Variants in CDH11 observed in about 807,000 individuals in gnomAD.
CDH11 encodes the protein cadherin-11.
CDH11 carries 11 observed loss-of-function variants against 67.8 expected under a neutral mutation model. That is an observed-to-expected ratio of 0.16 (90% CI 0.10 to 0.27). CDH11 has a LOEUF of 0.27. CDH11 is among the 10% of genes least tolerant of loss of function. The pLI, the probability that CDH11 is intolerant of heterozygous loss-of-function variation, is 1.00. For synonymous variants in CDH11, 419 were observed against 400.0 expected, an observed-to-expected ratio of 1.05 and a Z score of -0.57; for missense variants, 847 against 1,031.2, an observed-to-expected ratio of 0.82 and a Z score of 2.45.
chr16:65,002,431 T>G (rs976117092), intron 3 of CDH11, among the ~76,000 whole-genome samples: 3 of 152,180 alleles, frequency 2.0e-5, no homozygotes, highest in African/African-American at 4.8e-5. Flanking sequence ...AAGCTCCACA[T>G]CCCTTGTCAT....
intron 1 of CDH11, among the ~76,000 whole-genome samples, chr16:65,091,815 A>G (rs1302759066): frequency 6.6e-6 from 1 of 152,132 alleles, no homozygotes; most frequent in African/African-American, 2.4e-5. Context: ...GGCCTTTCTT[A>G]AGAAAGATTT....
chr16:64,965,567 AC>A (rs2071797820), intron 11 of CDH11, among the ~76,000 whole-genome samples: 1 of 151,896 alleles, frequency 6.6e-6, no homozygotes, highest in African/African-American at 2.4e-5. Context: ...CTTCTGGAAT[AC>A]CTCCCAAAGG....
At chr16:65,086,287 C>T (rs1023476542) in intron 1 of CDH11, among the ~76,000 whole-genome samples, 3 of 152,290 alleles carry the variant, frequency 2.0e-5, no homozygotes, top group African/African-American at 4.8e-5. Context: ...ACTAGGTATA[C>T]CAATGGTTCT....
chr16:65,080,812 C>A (rs562901216), intron 1 of CDH11, among the ~76,000 whole-genome samples: 3 of 152,250 alleles, frequency 2.0e-5, no homozygotes, highest in South Asian at 2.1e-4. Context: ...TTTGTCCATT[C>A]TTTTCCCTGC....
chr16:64,979,988 T>C (rs1226790619), intron 8 of CDH11, among the ~76,000 whole-genome samples: 3 of 152,204 alleles, frequency 2.0e-5, no homozygotes, highest in Non-Finnish European at 2.9e-5. Context: ...GTTGTATTAT[T>C]CCATTTATAT....
intron 11 of CDH11, among the ~76,000 whole-genome samples, chr16:64,958,933 T>C (rs2071597098): frequency 3.9e-5 from 6 of 152,078 alleles, no homozygotes; most frequent in Admixed American, 2.6e-4. Flanking sequence ...CACGCAAACA[T>C]ACACCCTTCA....
intron 7 of CDH11, chr16:64,986,777 A>G (rs2072497733): frequency 6.6e-6 from 1 of 151,584 alleles, no homozygotes; most frequent in Non-Finnish European, 1.5e-5. Context: ...CATATCCTTC[A>G]TTTTCTTTCT....
intron 3 of CDH11, among the ~76,000 whole-genome samples, chr16:65,000,426 G>GA (rs2072890368): frequency 6.6e-6 from 1 of 152,126 alleles, no homozygotes; most frequent in Admixed American, 6.6e-5. Flanking sequence ...GTCAAGTAGA[G>GA]AAAAAGACCT....
intron 1 of CDH11, among the ~76,000 whole-genome samples, chr16:65,056,518 G>A (rs2074146409): frequency 6.6e-6 from 1 of 152,182 alleles, no homozygotes; most frequent in Non-Finnish European, 1.5e-5. Context: ...CTCAGCAATA[G>A]ATAACTGGAA....
At chr16:65,078,470 A>G (rs2074554625) in intron 1 of CDH11, among the ~76,000 whole-genome samples, 1 of 152,144 alleles carries the variant, frequency 6.6e-6, no homozygotes, top group Non-Finnish European at 1.5e-5. Context: ...CATTCCCCCA[A>G]TAGCAGTATA....
intron 1 of CDH11, among the ~76,000 whole-genome samples, chr16:65,108,419 C>T (rs924705342): frequency 3.9e-5 from 6 of 152,192 alleles, no homozygotes; most frequent in African/African-American, 1.4e-4. Flanking sequence ...GATAATAATA[C>T]TGATAGTGAC....
intron 1 of CDH11, among the ~76,000 whole-genome samples, chr16:65,067,797 A>G (rs2074340805): frequency 7.3e-6 from 1 of 137,622 alleles, no homozygotes; most frequent in Non-Finnish European, 1.6e-5. Flanking sequence ...GAGAGAGAGG[A>G]AGGAAAGAAG....
intron 3 of CDH11, among the ~76,000 whole-genome samples, chr16:65,000,951 G>C (rs754665154): frequency 6.6e-6 from 1 of 150,904 alleles, no homozygotes; most frequent in South Asian, 2.1e-4. Flanking sequence ...TTATTATTTT[G>C]ATTTAAATTA....
chr16:64,947,330 T>G lies in CDH11; in HGVS notation c.*273A>C. 1 of 1,228,336 alleles carries G rather than the reference T, an allele frequency of 8.1e-7. No individual in the cohort carries two copies. The highest frequency in any genetic ancestry group is 1.0e-6 in the Non-Finnish European group (1 of 980,108). The allele number at this position is 1,228,336 out of a possible 1,614,324, so 76.1% of individuals were successfully genotyped here. On this transcript the variant is annotated 3_prime_UTR_variant, in exon 13 of 13. Transcript: ENST00000268603. ...CTTCATTGTCAGTTCAGCGTTAGAC[T>G]TCTCCTTCACTTAAATATTTTGTAT...
chr16:65,122,151 G>GGGGTTGT, upstream of CDH11: 1 of 476,946 alleles, frequency 2.1e-6, no homozygotes. Context: ...GGGGCGGGAG[G>GGGGTTGT]AGGGAGGCTG....
intron 2 of CDH11, among the ~76,000 whole-genome samples, chr16:65,049,438 G>A (rs1224349689): frequency 1.3e-5 from 2 of 151,988 alleles, no homozygotes; most frequent in Non-Finnish European, 2.9e-5. Context: ...CTAAACCTCA[G>A]TATCCTCATC....
At position 64,971,976 on chromosome 16, in the gene CDH11, T is replaced by C; in HGVS notation, c.1479A>G (p.Glu493=). 1 of 1,613,980 alleles carries C rather than the reference T, an allele frequency of 6.2e-7. No individual in the cohort carries two copies. Among genetic ancestry groups the C allele is most frequent in the African/African-American group, 1.3e-5 (1 of 75,028 alleles). Residue 493 remains glutamate, a synonymous_variant, in exon 10 of 13, where the codon GAA becomes GAG. Transcript: ENST00000268603. ...TCTGATCACTCTCACAGATGAAACCTTCATAAGGGGCAGCAAACTTGGGAG... is the reference window on the plus strand; with the variant it reads ...TCTGATCACTCTCACAGATGAAACCCTCATAAGGGGCAGCAAACTTGGGAG... ...DNAPKFAAPY[E]GFICESDQTK... is the part of the protein sequence containing the mutation.
intron 1 of CDH11, among the ~76,000 whole-genome samples, chr16:65,095,698 T>C (rs1430507110): frequency 6.6e-6 from 1 of 152,208 alleles, no homozygotes; most frequent in Non-Finnish European, 1.5e-5. Flanking sequence ...CTGAGATGTC[T>C]AGTCTGCCCT....
intron 1 of CDH11, among the ~76,000 whole-genome samples, chr16:65,104,959 G>A (rs1346824228): frequency 2.0e-5 from 3 of 152,092 alleles, no homozygotes; most frequent in South Asian, 2.1e-4. Context: ...GTTAATTTAC[G>A]AAATATAAAG....
Sources: gnomAD v4.1 joint callset for allele counts (sites outside exome capture counted in the v4.1 genomes callset) on GRCh38, gnomAD v4.1.1 for gene constraint, MANE v1.5 for transcripts, NCBI Gene and HGNC (gene_info 2026-07-23, HGNC 2026-07-21) for gene names.